The following PCSK6 variants were observed in gnomAD, a reference collection of about 807,000 sequenced individuals.
The protein encoded by PCSK6 is proprotein convertase subtilisin/kexin type 6.
PCSK6 carries 85 observed loss-of-function variants against 123.3 expected under a neutral mutation model. The observed-to-expected ratio is 0.69, with a 90% confidence interval of 0.58 to 0.83. PCSK6 has a LOEUF of 0.83. Among genes scored for constraint, PCSK6 ranks in the 40% least tolerant of loss-of-function variants. The pLI, the probability that PCSK6 is intolerant of heterozygous loss-of-function variation, is 0.00. For synonymous variants in PCSK6, 508 were observed against 516.0 expected, an observed-to-expected ratio of 0.98 and a Z score of 0.21; for missense variants, 1,191 against 1,282.3, an observed-to-expected ratio of 0.93 and a Z score of 1.09.
At chr15:101,317,651 C>T (rs867360632) in intron 19 of PCSK6, among the ~76,000 whole-genome samples, 2 of 152,166 alleles carry the variant, frequency 1.3e-5, no homozygotes, top group East Asian at 1.9e-4. Context: ...GTGTTTCTGT[C>T]CGCGCCGTTC....
At chr15:101,405,550 G>A (rs1230401390) in intron 6 of PCSK6, among the ~76,000 whole-genome samples, 2 of 152,130 alleles carry the variant, frequency 1.3e-5, no homozygotes, top group African/African-American at 4.8e-5. Flanking sequence ...GCTCCATCCA[G>A]GAAGGAATCA....
In PCSK6 at chr15:101,331,862, T is replaced by C; in HGVS notation, c.2028A>G (p.Glu676=). 1 of 1,612,798 alleles carries C rather than the reference T, an allele frequency of 6.2e-7. No homozygotes were observed. The highest frequency in any genetic ancestry group is 8.5e-7 in the Non-Finnish European group (1 of 1,179,114). ...CTTCAGGCTCATTACCTGTGTAATC[T>C]TCCTCATCTTCAGGAACTTCCACCT... ...PSQVEVPEDE[E]DYTAQSTPGS... The change falls in exon 14 of 22, where the codon GAA becomes GAG. Residue 676 remains glutamate, a synonymous_variant. Coordinates refer to ENST00000611716, the MANE Select transcript of PCSK6 (RefSeq NM_002570.5).
rs184716102 is a variant in PCSK6, at chr15:101,309,448, A to G, written c.2700-2123T>C. On this transcript the variant is annotated intron_variant, in intron 20 of 21. Coordinates refer to ENST00000611716, the MANE Select transcript of PCSK6 (RefSeq NM_002570.5). ...GATGCTTCTGGTTCTGCAACCATCT[A>G]TGGTACCTACTTTTCCCCCAAACAC... Among the ~76,000 whole-genome samples, 7 of 152,226 alleles carry G rather than the reference A, an allele frequency of 4.6e-5. No individual in the cohort carries two copies. In the East Asian group the frequency reaches 7.7e-4, roughly 17 times the overall value.
In PCSK6 at chr15:101,455,770, G is replaced by A. The variant is rs149322227; in HGVS notation, c.298-12110C>T. ...TTCTGCTTCTGTGACTCAACCCCAC[G>A]CTGGTAATTAAAAATGAAGAAGCTA... On this transcript the variant is annotated intron_variant, in intron 1 of 21. Transcript: ENST00000611716. Among the ~76,000 whole-genome samples, 285 of 152,294 alleles carry A rather than the reference G, an allele frequency of 1.9e-3. 2 individuals are homozygous for A. The Middle Eastern group carries it at 0.024, about 13-fold the overall frequency.
At chr15:101,322,935 C>T (rs148563058) in intron 17 of PCSK6, among the ~76,000 whole-genome samples, 42 of 152,344 alleles carry the variant, frequency 2.8e-4, no homozygotes, top group African/African-American at 9.9e-4. Flanking sequence ...ATGAAAGTGG[C>T]CGGGTGTGGG....
intron 20 of PCSK6, chr15:101,308,414 C>T (rs901279176): frequency 1.3e-5 from 2 of 152,328 alleles, no homozygotes. Flanking sequence ...CAGGCCTCCT[C>T]GTGGGGCTCT....
intron 20 of PCSK6, chr15:101,312,185 G>A (rs78284759): frequency 0.024 from 2,235 of 91,900 alleles, 351 homozygotes; most frequent in East Asian, 0.092. Flanking sequence ...TCACCCCATC[G>A]TCACACCCTC....
At chr15:101,320,306 G>A (rs905096618) in intron 18 of PCSK6, among the ~76,000 whole-genome samples, 5 of 152,030 alleles carry the variant, frequency 3.3e-5, no homozygotes, top group South Asian at 2.1e-4. Context: ...GGCTGGTTTC[G>A]AACTCCTAGC....
At position 101,384,395 on chromosome 15, in the gene PCSK6, G is replaced by A; in HGVS notation, c.1341C>T (p.His447=). The A allele has an allele frequency of 6.2e-7, 1 of 1,613,696 alleles. No homozygotes were observed. The highest frequency in any genetic ancestry group is 2.2e-5 in the East Asian group (1 of 44,874). ...CCGGCCGGGATGTCTTCACTAGCAG[G>A]TGCTGGACGTCCCTCCAGGTTAACT... ...NSQLTWRDVQ[H]LLVKTSRPAH... is the part of the protein sequence containing the mutation. The change falls in exon 10 of 22, where the codon CAC becomes CAT. Residue 447 remains histidine, a synonymous_variant. Transcript: ENST00000611716.
At chr15:101,360,574 ACTCCT>A (rs1474784238) in intron 13 of PCSK6, among the ~76,000 whole-genome samples, 3 of 115,078 alleles carry the variant, frequency 2.6e-5, no homozygotes, top group African/African-American at 8.2e-5. Flanking sequence ...CACCAGGCAC[ACTCCT>A]GCCCGGGGGC....
At chr15:101,361,014 A>G (rs367880970) in intron 13 of PCSK6, among the ~76,000 whole-genome samples, 34 of 152,344 alleles carry the variant, frequency 2.2e-4, no homozygotes, top group African/African-American at 7.2e-4. Context: ...AGTGCTTAGA[A>G]CTTGGTAAAT....
intron 14 of PCSK6, 75 bp from the exon 15 acceptor site, chr15:101,331,764 G>T (rs1027978993): frequency 6.3e-7 from 1 of 1,597,540 alleles, no homozygotes; most frequent in East Asian, 2.2e-5. Context: ...CCCCACCTTT[G>T]CCAGGAGCAG....
At chr15:101,406,409 C>T (rs559444372) in intron 6 of PCSK6, among the ~76,000 whole-genome samples, 6 of 152,314 alleles carry the variant, frequency 3.9e-5, no homozygotes, top group Admixed American at 2.0e-4. Context: ...ATTAGACTGT[C>T]GCTTCCTGAG....
chr15:101,436,753 G>A (rs1420061796), intron 2 of PCSK6, among the ~76,000 whole-genome samples: 4 of 152,234 alleles, frequency 2.6e-5, no homozygotes, highest in African/African-American at 7.2e-5. Flanking sequence ...TCAACAGTCT[G>A]TGGCGCTTAG....
intron 19 of PCSK6, among the ~76,000 whole-genome samples, chr15:101,318,118 A>G (rs1294742048): frequency 1.3e-5 from 2 of 152,016 alleles, no homozygotes; most frequent in Non-Finnish European, 1.5e-5. Context: ...TCAAGTTGAG[A>G]CTCTGTAACC....
At position 101,443,639 on chromosome 15, in the gene PCSK6, AGT is replaced by A; in HGVS notation, c.317_318del (p.Tyr106LeufsTer10). 1 of 1,613,770 alleles carries A rather than the reference AGT, an allele frequency of 6.2e-7. No individual in the cohort carries two copies. The highest frequency in any genetic ancestry group is 8.5e-7 in the Non-Finnish European group (1 of 1,179,648). On this transcript the variant is annotated frameshift_variant, in exon 2 of 22. Coordinates refer to ENST00000611716, the MANE Select transcript of PCSK6 (RefSeq NM_002570.5). LOFTEE classifies it high-confidence loss of function. ...NLGQIGNLED[Y>X]YHFYHSKTFK... Reference sequence around the variant, plus strand: ...AAGGTTTTGCTGTGATAAAAATGGTAGTAATCTTCCAGGTTTCCAATCTGCAA... The same window carrying A: ...AAGGTTTTGCTGTGATAAAAATGGTAAATCTTCCAGGTTTCCAATCTGCAA...
intron 6 of PCSK6, among the ~76,000 whole-genome samples, chr15:101,403,162 A>G (rs1331529257): frequency 2.0e-5 from 3 of 151,336 alleles, no homozygotes; most frequent in East Asian, 3.9e-4. Context: ...TCAGTAAACT[A>G]TCGCAAGGAC....
At chr15:101,322,729 T>C in intron 17 of PCSK6, 122 bp from the exon 18 acceptor site, 1 of 660,322 alleles carries the variant, frequency 1.5e-6, no homozygotes, top group Non-Finnish European at 2.7e-6. Flanking sequence ...CGAGTCCACC[T>C]CCGGAATGGG....
chr15:101,346,673 G>C (rs1011992763), intron 13 of PCSK6: 5 of 987,284 alleles, frequency 5.1e-6, no homozygotes, highest in Admixed American at 8.6e-5. Context: ...CTAAAACTGA[G>C]GGCAAATCTG....
Sources: gnomAD v4.1 joint callset for allele counts (sites outside exome capture counted in the v4.1 genomes callset) on GRCh38, gnomAD v4.1.1 for gene constraint, MANE v1.5 for transcripts, NCBI Gene and HGNC (gene_info 2026-07-23, HGNC 2026-07-21) for gene names.